XRN2: variants seen among roughly 807,000 people sequenced by gnomAD.
XRN2 encodes the protein DHM1-like protein.
A neutral mutation model predicts 138.5 loss-of-function variants in XRN2; 44 were observed. That is an observed-to-expected ratio of 0.32 (90% confidence interval 0.25 to 0.41). The LOEUF (loss-of-function observed/expected upper bound fraction) is 0.41, where lower values mean the gene tolerates loss of function less well. Among genes scored for constraint, XRN2 ranks in the 10% least tolerant of loss-of-function variants. XRN2 has a pLI of 1.00. For missense variants in XRN2, 937 were observed against 1,169.3 expected (o/e 0.80, Z 2.90); for synonymous variants, 354 against 369.4 (o/e 0.96, Z 0.48).
intron 28 of XRN2, among the ~76,000 whole-genome samples, chr20:21,383,726 CCCTTA>C (rs1360987982): frequency 1.3e-5 from 2 of 152,180 alleles, no homozygotes; most frequent in East Asian, 3.8e-4. Context: ...ATTGTCCCTT[CCCTTA>C]CCCTGCTGTC....
chr20:21,375,457 A>G (rs2038810110), intron 27 of XRN2, among the ~76,000 whole-genome samples: 1 of 152,040 alleles, frequency 6.6e-6, no homozygotes, highest in African/African-American at 2.4e-5. Flanking sequence ...ATTTCTCTCT[A>G]ATCACTTTAG....
chr20:21,324,161 C>G (rs1244379135), intron 1 of XRN2, among the ~76,000 whole-genome samples: 1 of 152,062 alleles, frequency 6.6e-6, no homozygotes, highest in Admixed American at 6.6e-5. Flanking sequence ...CAAGAATTGA[C>G]CTGCTTTTTT....
At chr20:21,331,726 A>G in intron 7 of XRN2, 42 bp from the exon 8 acceptor site, 3 of 1,587,510 alleles carry the variant, frequency 1.9e-6, no homozygotes, top group Non-Finnish European at 2.6e-6. Context: ...TTCTTGTGGT[A>G]TATAATATAT....
chr20:21,315,842 T>C (rs972855259), intron 1 of XRN2, among the ~76,000 whole-genome samples: 6 of 152,098 alleles, frequency 3.9e-5, no homozygotes, highest in Non-Finnish European at 2.9e-5. Context: ...AGTGTAAGAG[T>C]TTTAAAGAAT....
intron 15 of XRN2, among the ~76,000 whole-genome samples, chr20:21,341,888 A>G (rs1237151742): frequency 6.6e-6 from 1 of 151,948 alleles, no homozygotes; most frequent in East Asian, 1.9e-4. Flanking sequence ...GCAGGTTTAA[A>G]CTTTGCCAGC....
intron 1 of XRN2, among the ~76,000 whole-genome samples, 175 bp from the exon 2 acceptor site, chr20:21,326,094 CTTTCTACAGA>C (rs1163804821): frequency 1.3e-5 from 2 of 152,178 alleles, no homozygotes; most frequent in African/African-American, 4.8e-5. Flanking sequence ...AAGCCATCCA[CTTTCTACAGA>C]TAAAATATCT....
chr20:21,352,626 C>T (rs956808814), intron 20 of XRN2, among the ~76,000 whole-genome samples: 6 of 151,946 alleles, frequency 3.9e-5, no homozygotes, highest in Admixed American at 1.3e-4. Context: ...CCACCGCACC[C>T]GGCCCAACAC....
intron 26 of XRN2, among the ~76,000 whole-genome samples, chr20:21,367,786 C>G (rs1365423044): frequency 2.0e-5 from 3 of 152,074 alleles, no homozygotes; most frequent in Non-Finnish European, 2.9e-5. Flanking sequence ...ATAGTCTTAA[C>G]TTTTTCCATT....
intron 28 of XRN2, among the ~76,000 whole-genome samples, 162 bp downstream of exon 28, chr20:21,382,219 C>T (rs1020247872): frequency 6.6e-5 from 10 of 152,108 alleles, no homozygotes; most frequent in African/African-American, 2.4e-4. Flanking sequence ...ATAGCTAATA[C>T]TTTGAATTAA....
At chr20:21,370,363 A>G (rs1186614553) in intron 27 of XRN2, among the ~76,000 whole-genome samples, 1 of 152,176 alleles carries the variant, frequency 6.6e-6, no homozygotes, top group Non-Finnish European at 1.5e-5. Flanking sequence ...TTGACTATAT[A>G]TAGTTAAATG....
chr20:21,370,561 T>C, intron 27 of XRN2, among the ~76,000 whole-genome samples: 1 of 152,204 alleles, frequency 6.6e-6, no homozygotes, highest in East Asian at 1.9e-4. Context: ...CCTTTCTTGA[T>C]TCAAATTGTA....
At chr20:21,368,323 A>G (rs2038725215) in intron 26 of XRN2, 140 bp from the exon 27 acceptor site, 2 of 1,000,206 alleles carry the variant, frequency 2.0e-6, no homozygotes, top group Non-Finnish European at 2.7e-6. Flanking sequence ...TTAATTATAA[A>G]CCACCTTTTT....
intron 28 of XRN2, among the ~76,000 whole-genome samples, chr20:21,383,296 T>C (rs898667436): frequency 1.3e-5 from 2 of 152,220 alleles, no homozygotes; most frequent in African/African-American, 4.8e-5. Flanking sequence ...AAGTAAGGGG[T>C]AAATTTTTCC....
At position 21,334,137 on chromosome 20, in the gene XRN2, A is replaced by C. The variant is rs1190381058; in HGVS notation, c.1185A>C (p.Ala395=). ...NLQRVQMIML[A]VGEVEDSIFK... The stretch of plus-strand genomic sequence containing the variant: ...AAAGAGTACAGATGATCATGTTAGC[A>C]GTTGGTGAAGTTGAGGATAGCATTT... Residue 395 remains alanine (A), a synonymous_variant, in exon 13 of 30, where the codon GCA becomes GCC. Transcript: ENST00000377191. 6.2e-7 allele frequency: 1 copy of C among 1,613,862 alleles called. No homozygotes were observed. The highest frequency in any genetic ancestry group is 2.2e-5 in the East Asian group (1 of 44,850).
intron 27 of XRN2, among the ~76,000 whole-genome samples, chr20:21,374,689 A>G (rs1292011307): frequency 1.3e-5 from 2 of 152,132 alleles, no homozygotes; most frequent in Non-Finnish European, 1.5e-5. Context: ...ATATGTCACT[A>G]CATTCTATGT....
At chr20:21,370,408 C>T (rs113661286) in intron 27 of XRN2, among the ~76,000 whole-genome samples, 16 of 152,082 alleles carry the variant, frequency 1.1e-4, no homozygotes, top group African/African-American at 3.4e-4. Flanking sequence ...TTAATCTTCA[C>T]TTAAAATCTG....
chr20:21,308,524 T>C (rs1296138954), intron 1 of XRN2, among the ~76,000 whole-genome samples: 1 of 152,234 alleles, frequency 6.6e-6, no homozygotes, highest in African/African-American at 2.4e-5. Flanking sequence ...ACACTTGATA[T>C]AGTTAGCCCT....
chr20:21,355,307 A>G (rs1053501664), intron 21 of XRN2, among the ~76,000 whole-genome samples: 1 of 152,192 alleles, frequency 6.6e-6, no homozygotes, highest in Non-Finnish European at 1.5e-5. Flanking sequence ...TGCTAACTTG[A>G]AATATGACAT....
At position 21,370,052 on chromosome 20, in the gene XRN2, A is replaced by G. The variant is rs1192725408; in HGVS notation, c.2584+1462A>G. Among the ~76,000 whole-genome samples the G allele has an allele frequency of 2.6e-5, 4 of 152,230 alleles. 1 individual carries two copies. The East Asian group carries it at 7.7e-4, about 29-fold the overall frequency. ...TTTTTATATGATGAGAGATAAATTT[A>G]TGGTTTTATTCTTCTGCATATGGAT... On this transcript the variant is annotated intron_variant, in intron 27 of 29. Transcript: ENST00000377191.
Sources: gnomAD v4.1 joint callset for allele counts (sites outside exome capture counted in the v4.1 genomes callset) on GRCh38, gnomAD v4.1.1 for gene constraint, MANE v1.5 for transcripts, NCBI Gene and HGNC (gene_info 2026-07-23, HGNC 2026-07-21) for gene names.